The following RAMP3 variants were observed in gnomAD, a reference collection of about 807,000 sequenced individuals.
The protein encoded by RAMP3 is receptor activity-modifying protein 3.
A neutral mutation model predicts 13.5 loss-of-function variants in RAMP3; 14 were observed. The ratio of observed to expected loss-of-function variants is 1.04; its 90% CI spans 0.69 to 1.63. The LOEUF is 1.63. RAMP3 is among the 40% of genes most tolerant of loss of function. The probability of loss-of-function intolerance (pLI) is 0.00; values close to 1 mark genes in which losing one functional copy is unlikely to be tolerated. For missense variants in RAMP3, 200 were observed against 204.8 expected, an observed-to-expected ratio of 0.98 and a Z score of 0.14; for synonymous variants, 106 against 88.3, an observed-to-expected ratio of 1.20 and a Z score of -1.12.
chr7:45,164,439 G>A (rs11979392), intron 1 of RAMP3, among the ~76,000 whole-genome samples: 36,856 of 152,032 alleles, frequency 0.24, 5,162 homozygotes, highest in African/African-American at 0.37. Context: ...GGAGGCTGGG[G>A]TGGGAGGATT....
chr7:45,180,457 G>T (rs183758892), intron 2 of RAMP3, among the ~76,000 whole-genome samples: 1 of 152,200 alleles, frequency 6.6e-6, no homozygotes, highest in Non-Finnish European at 1.5e-5. Flanking sequence ...TCCACATGAC[G>T]ACCCCATCAG....
intron 1 of RAMP3, among the ~76,000 whole-genome samples, chr7:45,172,514 C>T (rs1476293624): frequency 1.3e-5 from 2 of 152,214 alleles, no homozygotes; most frequent in Non-Finnish European, 2.9e-5. Flanking sequence ...CTCACTTTGT[C>T]ACCCAGGCTA....
At chr7:45,173,830 G>T (rs112992421) in intron 1 of RAMP3, among the ~76,000 whole-genome samples, 1 of 152,212 alleles carries the variant, frequency 6.6e-6, no homozygotes, top group African/African-American at 2.4e-5. Context: ...AGCTCACACT[G>T]CTTCAACTGC....
chr7:45,177,559 C>T, intron 2 of RAMP3, 118 bp downstream of exon 2: 1 of 1,470,268 alleles, frequency 6.8e-7, no homozygotes, highest in Non-Finnish European at 9.3e-7. Flanking sequence ...GCCTCACCCA[C>T]AACCCACCGT....
Position 45,160,330 on chromosome 7 carries a change from C to CAA in RAMP3, c.58+2484_58+2485dup, listed in dbSNP as rs34833718. ...CTGGTGACAAAGCGAGACTCTGCCT[C>CAA]AAAAAAAAAAAAAAAAAAAAAAAAA... On this transcript the variant is annotated intron_variant, in intron 1 of 2. Coordinates refer to ENST00000242249, the MANE Select transcript of RAMP3 (RefSeq NM_005856.3). Among the ~76,000 whole-genome samples the CAA allele has an allele frequency of 6.6e-3, 118 of 17,890 alleles. 50 individuals carry two copies. The East Asian group carries it at 0.078, about 12-fold the overall frequency. The allele number at this position is 17,890 out of a possible 152,430, so 11.7% of individuals were successfully genotyped here. A position where few individuals can be genotyped will look rare whatever the true frequency, so the allele number is the denominator to read the frequency against.
rs149751414 is a variant in RAMP3 at position 45,179,976 on chromosome 7, C to T, written c.191+2535C>T. 5.1e-3 allele frequency among the ~76,000 whole-genome samples: 775 copies of T among 152,340 alleles called. 7 individuals are homozygous for T. Among genetic ancestry groups the T allele is most frequent in the African/African-American group, 0.018 (753 of 41,578 alleles). ...AACCGAGGACTGTGGGATGCAAGGA[C>T]CTGAGAATTTCGGACTGTGATTTCT... On this transcript the variant is annotated intron_variant, in intron 2 of 2. Transcript: ENST00000242249.
intron 1 of RAMP3, among the ~76,000 whole-genome samples, chr7:45,165,109 A>T (rs1785933561): frequency 6.6e-6 from 1 of 151,610 alleles, no homozygotes; most frequent in Non-Finnish European, 1.5e-5. Context: ...CATCCTTGCT[A>T]ATTGGGTGTA....
At chr7:45,158,372 G>C (rs879721311) in intron 1 of RAMP3, among the ~76,000 whole-genome samples, 4 of 152,230 alleles carry the variant, frequency 2.6e-5, no homozygotes, top group Non-Finnish European at 5.9e-5. Flanking sequence ...GGGCCCCTCA[G>C]TGTGTGGACG....
intron 1 of RAMP3, among the ~76,000 whole-genome samples, chr7:45,172,202 A>G (rs1786096411): frequency 6.6e-6 from 1 of 152,182 alleles, no homozygotes; most frequent in Admixed American, 6.5e-5. Context: ...TGGAGCTGGG[A>G]GGGACATGCC....
chr7:45,183,652 A>C lies in RAMP3; in HGVS notation c.*240A>C. 1.6e-6 allele frequency: 1 copy of C among 611,684 alleles called. No individual in the cohort carries two copies. Among genetic ancestry groups the C allele is most frequent in the East Asian group, 2.8e-5 (1 of 36,070 alleles). The allele number at this position is 611,684 out of a possible 1,614,324, so 37.9% of individuals were successfully genotyped here. A position where few individuals can be genotyped will look rare whatever the true frequency, so the allele number is the denominator to read the frequency against. On this transcript the variant is annotated 3_prime_UTR_variant, in exon 3 of 3. Transcript: ENST00000242249. ...TCTAGGGCCAGTGGAGGAAAATGTG[A>C]TAAGGCCAGAGCTTGTGTGCTGGGC...
intron 1 of RAMP3, among the ~76,000 whole-genome samples, chr7:45,175,881 C>T (rs1786176357): frequency 2.0e-5 from 3 of 152,184 alleles, no homozygotes; most frequent in Non-Finnish European, 4.4e-5. Context: ...TGAGGAGTGT[C>T]TGGGGCGCTG....
chr7:45,173,710 G>A (rs1786123143), intron 1 of RAMP3, among the ~76,000 whole-genome samples: 1 of 152,186 alleles, frequency 6.6e-6, no homozygotes, highest in Non-Finnish European at 1.5e-5. Flanking sequence ...TTTCCCTGTA[G>A]CCTCTGTAGG....
intron 1 of RAMP3, among the ~76,000 whole-genome samples, chr7:45,160,719 C>T (rs553140864): frequency 1.3e-5 from 2 of 152,304 alleles, no homozygotes; most frequent in East Asian, 1.9e-4. Context: ...CTCTCAGTGG[C>T]GTCTGGAAGT....
At chr7:45,163,640 A>G (rs1050152436) in intron 1 of RAMP3, 2 of 985,448 alleles carry the variant, frequency 2.0e-6, no homozygotes, top group South Asian at 9.4e-5. Flanking sequence ...GAGATTTTGT[A>G]GGTGCACAAT....
intron 1 of RAMP3, among the ~76,000 whole-genome samples, chr7:45,169,257 T>C (rs1270655684): frequency 6.6e-6 from 1 of 152,212 alleles, no homozygotes; most frequent in Non-Finnish European, 1.5e-5. Flanking sequence ...TTGGTTTTGC[T>C]GTCAAGATTA....
intron 1 of RAMP3, among the ~76,000 whole-genome samples, chr7:45,172,422 C>T (rs1786101002): frequency 6.6e-6 from 1 of 152,154 alleles, no homozygotes; most frequent in African/African-American, 2.4e-5. Flanking sequence ...TTGATGTGTG[C>T]CCTTAGGATG....
intron 1 of RAMP3, among the ~76,000 whole-genome samples, chr7:45,160,203 A>C (rs1414304136): frequency 6.6e-6 from 1 of 151,658 alleles, no homozygotes; most frequent in Non-Finnish European, 1.5e-5. Flanking sequence ...GTGGTGGTGC[A>C]TACCTGTAGT....
At chr7:45,182,398 G>A (rs1786334076) in intron 2 of RAMP3, among the ~76,000 whole-genome samples, 1 of 152,174 alleles carries the variant, frequency 6.6e-6, no homozygotes, top group Non-Finnish European at 1.5e-5. Context: ...CATTGGAACA[G>A]GTGGTGGCTG....
intron 1 of RAMP3, among the ~76,000 whole-genome samples, chr7:45,174,972 A>G (rs1455646742): frequency 6.6e-6 from 1 of 152,194 alleles, no homozygotes; most frequent in Non-Finnish European, 1.5e-5. Context: ...CTGAGCCACC[A>G]TCTCCATGTG....
Sources: gnomAD v4.1 joint callset for allele counts (sites outside exome capture counted in the v4.1 genomes callset) on GRCh38, gnomAD v4.1.1 for gene constraint, MANE v1.5 for transcripts, NCBI Gene and HGNC (gene_info 2026-07-23, HGNC 2026-07-21) for gene names.